ACOX3: variants seen among roughly 807,000 people sequenced by gnomAD.
The protein encoded by ACOX3 is acyl-CoA oxidase 3, pristanoyl, also known as peroxisomal acyl-coenzyme A oxidase 3.
Under a neutral mutation model 81.5 loss-of-function variants are expected in ACOX3, and 73 were observed. That is an observed-to-expected ratio of 0.90 (90% CI 0.74 to 1.09). The LOEUF (loss-of-function observed/expected upper bound fraction) is 1.09, where lower values mean the gene tolerates loss of function less well. ACOX3 is among the 50% of genes least tolerant of loss of function. The pLI is 0.00. For synonymous variants in ACOX3, 387 were observed against 375.1 expected (o/e 1.03, Z -0.37); for missense variants, 947 against 928.0 (o/e 1.02, Z -0.27).
At chr4:8,380,986 CCCTGTGGCTT>C (rs1717577405) in intron 14 of ACOX3, among the ~76,000 whole-genome samples, 1 of 152,170 alleles carries the variant, frequency 6.6e-6, no homozygotes, top group African/African-American at 2.4e-5. Context: ...GCTATTTTTT[CCCTGTGGCTT>C]CCTGGAACAT....
chr4:8,436,437 G>C (rs974553927), intron 1 of ACOX3: 1 of 152,162 alleles, frequency 6.6e-6, no homozygotes, highest in Non-Finnish European at 1.5e-5. Context: ...CAGTATGCCT[G>C]TTTAACCCTC....
intron 1 of ACOX3, among the ~76,000 whole-genome samples, chr4:8,422,378 T>C (rs562496096): frequency 6.6e-6 from 1 of 152,226 alleles, no homozygotes; most frequent in African/African-American, 2.4e-5. Context: ...CAATACCACT[T>C]TGTTGTCAGT....
At chr4:8,401,609 G>A (rs771783994) in intron 7 of ACOX3, among the ~76,000 whole-genome samples, 7 of 152,182 alleles carry the variant, frequency 4.6e-5, no homozygotes, top group South Asian at 2.1e-4. Context: ...GAGCTGGGCC[G>A]TTTCCCAAAG....
Position 8,414,059 on chromosome 4 carries a change from C to T in ACOX3, c.543+233G>A, listed in dbSNP as rs904813908. Reference sequence around the variant, plus strand: ...CACTCAAATTACACACAAATCCAAACCACGATCAATTCCCCATAAAGTTCA... The same window carrying T: ...CACTCAAATTACACACAAATCCAAATCACGATCAATTCCCCATAAAGTTCA... On this transcript the variant is annotated intron_variant, in intron 5 of 17. Coordinates refer to ENST00000356406, the MANE Select transcript of ACOX3 (RefSeq NM_003501.3). The surrounding 1 kb of genome is among the most constrained non-coding windows in gnomAD (Gnocchi z 6.1). Among the ~76,000 whole-genome samples, 1 of 152,190 alleles carries T rather than the reference C, an allele frequency of 6.6e-6. No individual in the cohort carries two copies. Among genetic ancestry groups the T allele is most frequent in the African/African-American group, 2.4e-5 (1 of 41,448 alleles).
chr4:8,399,426 G>T lies in ACOX3; in HGVS notation c.873+130C>A. Reference sequence around the variant, plus strand: ...AGCACCAGAACCCGAGCCAGGAGAAGTATGCCCCAGCGACACCTGGCCTAC... The same window carrying T: ...AGCACCAGAACCCGAGCCAGGAGAATTATGCCCCAGCGACACCTGGCCTAC... On this transcript the variant is annotated intron_variant, in intron 8 of 17. Coordinates refer to ENST00000356406, the MANE Select transcript of ACOX3 (RefSeq NM_003501.3). This position sits in a 1 kb window ranked among gnomAD's most constrained non-coding sequence, Gnocchi z 4.9. 1.3e-6 allele frequency: 1 copy of T among 751,454 alleles called. No homozygotes were observed. The highest frequency in any genetic ancestry group is 2.2e-6 in the Non-Finnish European group (1 of 457,636). 46.5% of individuals were successfully genotyped at this position (751,454 alleles called of 1,614,324 possible).
chr4:8,370,757 C>T lies in ACOX3; in HGVS notation c.1983+151G>A. On this transcript the variant is annotated intron_variant, in intron 17 of 17. Coordinates refer to ENST00000356406, the MANE Select transcript of ACOX3 (RefSeq NM_003501.3). This position sits in a 1 kb window ranked among gnomAD's most constrained non-coding sequence, Gnocchi z 6.3. ...GGGGAAGCACCAGAGTGAGACAGTC[C>T]TGACTTGTCCCGGGCCCTCCCCAAG... The T allele has an allele frequency of 1.5e-6, 1 of 663,016 alleles. No individual in the cohort carries two copies. The allele number at this position is 663,016 out of a possible 1,614,324, so 41.1% of individuals were successfully genotyped here. A position where few individuals can be genotyped will look rare whatever the true frequency, so the allele number is the denominator to read the frequency against.
rs996545494 is a variant in ACOX3 at position 8,399,068 on chromosome 4, C to T, written c.873+488G>A. Among the ~76,000 whole-genome samples the T allele has an allele frequency of 3.3e-5, 5 of 152,070 alleles. No individual in the cohort carries two copies. The highest frequency in any genetic ancestry group is 9.7e-5 in the African/African-American group (4 of 41,394). ...GACTGTTATTCCAAGGGTGCATGCT[C>T]GGGGTGGCCCACCTGCTGTGAGCTC... On this transcript the variant is annotated intron_variant, in intron 8 of 17. Transcript: ENST00000356406. This position sits in a 1 kb window ranked among gnomAD's most constrained non-coding sequence, Gnocchi z 4.9.
At chr4:8,392,287 G>A (rs1380315431) in intron 11 of ACOX3, 46 bp downstream of exon 11, 3 of 1,414,216 alleles carry the variant, frequency 2.1e-6, no homozygotes, top group Non-Finnish European at 1.9e-6. Flanking sequence ...GAGTCAAACA[G>A]CAGGGCTAAG....
rs113667512 is a variant in ACOX3, at chr4:8,370,345, G to C, written c.1983+563C>G. Among the ~76,000 whole-genome samples, 1,679 of 152,160 alleles carry C rather than the reference G, an allele frequency of 0.011. 34 individuals carry two copies. Among genetic ancestry groups the C allele is most frequent in the African/African-American group, 0.038 (1,599 of 41,562 alleles). The stretch of plus-strand genomic sequence containing the variant: ...GAGGAGGCTGGTGGAGGCTCCCTCA[G>C]GGGGGCGGCCTGACCCCATCTGCTA... On this transcript the variant is annotated intron_variant, in intron 17 of 17. Transcript: ENST00000356406. This position sits in a 1 kb window ranked among gnomAD's most constrained non-coding sequence, Gnocchi z 6.3.
chr4:8,360,964 C>T, the ACOX3 span, among the ~76,000 whole-genome samples: 1 of 151,978 alleles, frequency 6.6e-6, no homozygotes, highest in African/African-American at 2.4e-5. Flanking sequence ...AGGTTTTCAC[C>T]AAGAGTAAAA....
At chr4:8,371,069 G>C (rs1243578454) in intron 16 of ACOX3, 75 bp from the exon 17 acceptor site, 4 of 1,440,744 alleles carry the variant, frequency 2.8e-6, no homozygotes, top group African/African-American at 1.4e-5. Flanking sequence ...ACAGCCCCGT[G>C]TGTGGTTGCC....
rs372983395 is a variant in ACOX3 at position 8,427,148 on chromosome 4, TA to T, written c.-14-10614del. ...AGCTCACACCAGACCAATCAGGTAGTAAAGAGAGCTCACTAAAATACCAATG... is the reference window on the plus strand; with the variant it reads ...AGCTCACACCAGACCAATCAGGTAGTAAGAGAGCTCACTAAAATACCAATG... On this transcript the variant is annotated intron_variant, in intron 1 of 17. Coordinates refer to ENST00000356406, the MANE Select transcript of ACOX3 (RefSeq NM_003501.3). 1.2e-4 allele frequency among the ~76,000 whole-genome samples: 19 copies of T among 152,178 alleles called. No homozygotes were observed. The East Asian group carries it at 2.9e-3, about 23-fold the overall frequency.
Position 8,405,774 on chromosome 4 carries a change from A to G in ACOX3, c.776+181T>C, listed in dbSNP as rs1480408730. 6.6e-6 allele frequency among the ~76,000 whole-genome samples: 1 copy of G among 152,202 alleles called. No homozygotes were observed. Among genetic ancestry groups the G allele is most frequent in the Non-Finnish European group, 1.5e-5 (1 of 68,032 alleles). ...GTCTCTGATCAAGTTGGCCTCCCAA[A>G]GTGGAGTTCAAGCAGGACGTGGCCA... On this transcript the variant is annotated intron_variant, in intron 7 of 17. Coordinates refer to ENST00000356406, the MANE Select transcript of ACOX3 (RefSeq NM_003501.3). The surrounding 1 kb of genome is among the most constrained non-coding windows in gnomAD (Gnocchi z 7.1).
At chr4:8,373,379 G>A (rs1348665463) in intron 16 of ACOX3, among the ~76,000 whole-genome samples, 182 bp downstream of exon 16, 1 of 151,122 alleles carries the variant, frequency 6.6e-6, no homozygotes, top group Admixed American at 6.6e-5. Flanking sequence ...GATGCTAAGG[G>A]GGTGCGTGTC....
chr4:8,381,852 A>G lies in ACOX3; in HGVS notation c.1538-245T>C, dbSNP rs944681357. ...TCAGCCCAGGGCTGTCCTGAGTTCT[A>G]CACTGTTCCAGCAGCCTGGAGGCCA... On this transcript the variant is annotated intron_variant, in intron 13 of 17. Transcript: ENST00000356406. The surrounding 1 kb of genome is among the most constrained non-coding windows in gnomAD (Gnocchi z 4.3). 1.4e-4 allele frequency among the ~76,000 whole-genome samples: 22 copies of G among 152,198 alleles called. No homozygotes were observed. Among genetic ancestry groups the G allele is most frequent in the African/African-American group, 4.8e-4 (20 of 41,454 alleles).
chr4:8,399,627 C>T lies in ACOX3; in HGVS notation c.802G>A (p.Val268Ile). Residue 268 changes from valine (V) to isoleucine (I), a missense_variant, in exon 8 of 18, where the codon GTT becomes ATT. Transcript: ENST00000356406. This position sits in a 1 kb window ranked among gnomAD's most constrained non-coding sequence, Gnocchi z 4.9. ...CGGTTCAGAAGGCTCTGGCGAGGAA[C>T]TCTGACCTTGTGGAACATGGCGAAA... The part of the protein sequence containing the change: ...NGFAMFHKVR[V>I]PRQSLLNRMG... The T allele has an allele frequency of 6.2e-7, 1 of 1,614,186 alleles. No homozygotes were observed. Among genetic ancestry groups the T allele is most frequent in the South Asian group, 1.1e-5 (1 of 91,086 alleles).
chr4:8,418,563 C>CA (rs1334087376), intron 1 of ACOX3, among the ~76,000 whole-genome samples: 1 of 151,176 alleles, frequency 6.6e-6, no homozygotes, highest in East Asian at 1.9e-4. Context: ...CAAAGACAGA[C>CA]AAATGGCCAA....
chr4:8,422,296 C>T (rs562017817), intron 1 of ACOX3, among the ~76,000 whole-genome samples: 1 of 152,254 alleles, frequency 6.6e-6, no homozygotes, highest in South Asian at 2.1e-4. Context: ...TACCCTATTC[C>T]TTTAAAAGCC....
the ACOX3 span, chr4:8,356,871 G>T: frequency 4.4e-6 from 2 of 455,830 alleles, no homozygotes; most frequent in South Asian, 3.1e-5. Context: ...ACACTAACAT[G>T]ATCCCAGCAG....
Sources: gnomAD v4.1 joint callset for allele counts (sites outside exome capture counted in the v4.1 genomes callset) on GRCh38, gnomAD v4.1.1 for gene constraint, Gnocchi (gnomAD v3.1) non-coding constraint, MANE v1.5 for transcripts, NCBI Gene and HGNC (gene_info 2026-07-23, HGNC 2026-07-21) for gene names.